The following TANC2 variants were observed in gnomAD, a reference collection of about 807,000 sequenced individuals.
TANC2 encodes the protein protein TANC2.
In TANC2, 26 loss-of-function variants were observed where a neutral mutation model predicts 210.5. The ratio of observed to expected loss-of-function variants is 0.12; its 90% CI spans 0.09 to 0.17. The LOEUF is 0.17. TANC2 is among the 10% of genes least tolerant of loss of function. TANC2 has a pLI of 1.00. For missense variants in TANC2, 2,129 were observed against 2,608.9 expected (o/e 0.82, Z 4.01); for synonymous variants, 931 against 967.1 (o/e 0.96, Z 0.69).
chr17:63,059,297 T>C (rs949107360), intron 2 of TANC2, among the ~76,000 whole-genome samples: 3 of 152,202 alleles, frequency 2.0e-5, no homozygotes, highest in Non-Finnish European at 2.9e-5. Flanking sequence ...CAGGAACAAT[T>C]AAACATTTTC....
chr17:63,354,937 A>G (rs900881419), exon 14 of TANC2: 7 of 1,613,900 alleles, frequency 4.3e-6, no homozygotes, highest in Admixed American at 1.7e-5. Flanking sequence ...AAAATGGACA[A>G]TACTACATTT....
intron 2 of TANC2, among the ~76,000 whole-genome samples, chr17:63,024,185 C>T (rs942295457): frequency 3.3e-5 from 5 of 152,026 alleles, no homozygotes; most frequent in African/African-American, 9.7e-5. Flanking sequence ...AGAAATAATT[C>T]GGGGCTAGTC....
At chr17:63,077,500 G>A (rs1180222862) in intron 3 of TANC2, among the ~76,000 whole-genome samples, 1 of 152,116 alleles carries the variant, frequency 6.6e-6, no homozygotes, top group African/African-American at 2.4e-5. Flanking sequence ...GATTGGAGTG[G>A]GTTAGAAGCC....
intron 8 of TANC2, among the ~76,000 whole-genome samples, chr17:63,245,445 C>A (rs1031063956): frequency 6.6e-6 from 1 of 152,130 alleles, no homozygotes; most frequent in Non-Finnish European, 1.5e-5. Flanking sequence ...CAGTGGCTTA[C>A]ACCTGTAATC....
chr17:63,203,093 T>C (rs2041588721), intron 7 of TANC2, among the ~76,000 whole-genome samples: 1 of 152,138 alleles, frequency 6.6e-6, no homozygotes, highest in African/African-American at 2.4e-5. Flanking sequence ...ATATGATTAT[T>C]TAACTTCATG....
At chr17:63,068,180 A>G (rs2036270342) in intron 2 of TANC2, among the ~76,000 whole-genome samples, 2 of 152,176 alleles carry the variant, frequency 1.3e-5, no homozygotes, top group Non-Finnish European at 2.9e-5. Context: ...GGATATAAAC[A>G]AGAATATACA....
chr17:63,071,422 G>A (rs1399832242), intron 2 of TANC2, among the ~76,000 whole-genome samples: 1 of 152,058 alleles, frequency 6.6e-6, no homozygotes, highest in African/African-American at 2.4e-5. Flanking sequence ...CTCCCAAAGT[G>A]CTGGGATTAC....
intron 2 of TANC2, among the ~76,000 whole-genome samples, chr17:63,035,428 C>G (rs566744134): frequency 6.6e-6 from 1 of 152,272 alleles, no homozygotes; most frequent in African/African-American, 2.4e-5. Context: ...TGGAACGGAA[C>G]CAGCAAAATC....
chr17:63,022,062 C>T (rs1014362339), intron 2 of TANC2, among the ~76,000 whole-genome samples: 17 of 151,978 alleles, frequency 1.1e-4, no homozygotes, highest in African/African-American at 2.9e-4. Flanking sequence ...CAAACTAGGC[C>T]GGGCGCGGTG....
In TANC2 at chr17:63,229,171, G is replaced by A. The variant is rs1367266051; in HGVS notation, c.770-8643G>A. Among the ~76,000 whole-genome samples the A allele has an allele frequency of 5.3e-5, 8 of 152,098 alleles. No homozygotes were observed. The South Asian group carries it at 1.5e-3, about 28-fold the overall frequency. On this transcript the variant is annotated intron_variant, in intron 7 of 27. Transcript: ENST00000689528. Reference sequence around the variant, plus strand: ...GAATTTTATGGAAGGCCTTTTCTACGTCTATTGAAATGATCATGTGGTTTT... The same window carrying A: ...GAATTTTATGGAAGGCCTTTTCTACATCTATTGAAATGATCATGTGGTTTT...
chr17:63,210,803 A>G (rs1432663110), intron 7 of TANC2, among the ~76,000 whole-genome samples: 1 of 152,192 alleles, frequency 6.6e-6, no homozygotes, highest in Non-Finnish European at 1.5e-5. Context: ...TTTCAATTTT[A>G]ACTACTGTTT....
intron 8 of TANC2, among the ~76,000 whole-genome samples, chr17:63,263,341 G>A (rs1224231839): frequency 6.6e-6 from 1 of 152,134 alleles, no homozygotes; most frequent in Admixed American, 6.6e-5. Flanking sequence ...TCAAATAAAA[G>A]CAGAGATCTA....
At chr17:63,342,453 A>G (rs1386668955) in intron 12 of TANC2, among the ~76,000 whole-genome samples, 3 of 152,180 alleles carry the variant, frequency 2.0e-5, no homozygotes, top group Admixed American at 2.0e-4. Context: ...GCTCACATGT[A>G]GGAGTACCTT....
chr17:63,009,321 G>A (rs1490155813), intron 1 of TANC2, among the ~76,000 whole-genome samples: 1 of 151,454 alleles, frequency 6.6e-6, no homozygotes, highest in African/African-American at 2.4e-5. Context: ...TATTTATGGG[G>A]TACATGAGAT....
chr17:62,970,615 G>A (rs1354778727), intron 1 of TANC2, among the ~76,000 whole-genome samples: 2 of 152,184 alleles, frequency 1.3e-5, no homozygotes, highest in South Asian at 4.1e-4. Flanking sequence ...GGGACTATTA[G>A]GGTAGTTGGT....
At chr17:63,279,265 A>T (rs1290382422) in intron 9 of TANC2, among the ~76,000 whole-genome samples, 1 of 152,176 alleles carries the variant, frequency 6.6e-6, no homozygotes, top group Non-Finnish European at 1.5e-5. Context: ...GGAAGACAGG[A>T]TGAAAGCATG....
intron 2 of TANC2, among the ~76,000 whole-genome samples, chr17:63,058,910 T>TG (rs2035899160): frequency 6.6e-6 from 1 of 152,206 alleles, no homozygotes; most frequent in African/African-American, 2.4e-5. Flanking sequence ...GGATTTGCCT[T>TG]GGCTATTTGG....
chr17:62,972,209 T>C (rs1174058661), intron 1 of TANC2, among the ~76,000 whole-genome samples: 12 of 152,358 alleles, frequency 7.9e-5, no homozygotes, highest in African/African-American at 2.6e-4. Flanking sequence ...AAGCTGTGTT[T>C]GTGGATATGT....
chr17:62,969,726 T>C (rs2031583222), intron 1 of TANC2, among the ~76,000 whole-genome samples: 1 of 151,764 alleles, frequency 6.6e-6, no homozygotes, highest in Non-Finnish European at 1.5e-5. Context: ...TAAATACACA[T>C]TCATACACAC....
Sources: gnomAD v4.1 joint callset for allele counts (sites outside exome capture counted in the v4.1 genomes callset) on GRCh38, gnomAD v4.1.1 for gene constraint, MANE v1.5 for transcripts, NCBI Gene and HGNC (gene_info 2026-07-23, HGNC 2026-07-21) for gene names.